Variants in ARHGAP15 observed in about 807,000 individuals in gnomAD.
ARHGAP15 encodes Rho GTPase activating protein 15, also known as rho GTPase-activating protein 15.
In ARHGAP15, 51 loss-of-function variants were observed where a neutral mutation model predicts 63.7. The observed-to-expected ratio is 0.80, with a 90% CI of 0.64 to 1.01. ARHGAP15 has a LOEUF of 1.01. Ranked by LOEUF, ARHGAP15 falls within the 50% of genes least tolerant of loss-of-function variation. The probability of loss-of-function intolerance (pLI) is 0.00; values close to 1 mark genes in which losing one functional copy is unlikely to be tolerated. For synonymous variants in ARHGAP15, 191 were observed against 193.8 expected (o/e 0.99, Z 0.12); for missense variants, 560 against 564.6 (o/e 0.99, Z 0.08).
At chr2:143,576,510 G>A (rs547026217) in intron 11 of ARHGAP15, among the ~76,000 whole-genome samples, 1 of 152,136 alleles carries the variant, frequency 6.6e-6, no homozygotes, top group South Asian at 2.1e-4. Context: ...TTATGTTTCC[G>A]GTTTAAGATA....
chr2:143,335,481 T>C (rs953481217), intron 6 of ARHGAP15, among the ~76,000 whole-genome samples: 2 of 152,156 alleles, frequency 1.3e-5, no homozygotes, highest in Admixed American at 6.6e-5. Flanking sequence ...TAGTTTTGTT[T>C]GGGATTCTGC....
Position 143,510,018 on chromosome 2 carries a change from T to TAAAAA in ARHGAP15, c.827-9223_827-9219dup, listed in dbSNP as rs35469918. On this transcript the variant is annotated intron_variant, in intron 9 of 13. Coordinates refer to ENST00000295095, the MANE Select transcript of ARHGAP15 (RefSeq NM_018460.4). The stretch of plus-strand genomic sequence containing the variant: ...CTGGCGACAGAGTAAGACTCCCTCT[T>TAAAAA]AAAAAAAAAAAAAAAAAAAAAAAAA... Among the ~76,000 whole-genome samples, 132 of 48,816 alleles carry TAAAAA rather than the reference T, an allele frequency of 2.7e-3. 8 individuals carry two copies. Among genetic ancestry groups the TAAAAA allele is most frequent in the South Asian group, 4.4e-3 (3 of 688 alleles). 32.0% of individuals were successfully genotyped at this position (48,816 alleles called of 152,430 possible).
At chr2:143,299,457 A>C (rs1284931017) in intron 6 of ARHGAP15, among the ~76,000 whole-genome samples, 1 of 151,986 alleles carries the variant, frequency 6.6e-6, no homozygotes, top group Non-Finnish European at 1.5e-5. Context: ...ATGACATCTC[A>C]TTATAAACAT....
At chr2:143,134,825 G>T (rs1324453997) in intron 1 of ARHGAP15, among the ~76,000 whole-genome samples, 1 of 151,824 alleles carries the variant, frequency 6.6e-6, no homozygotes, top group Admixed American at 6.6e-5. Flanking sequence ...TTTTAGTAGA[G>T]TCGGGGTTTC....
At chr2:143,314,571 A>T (rs1381779678) in intron 6 of ARHGAP15, 2 of 152,206 alleles carry the variant, frequency 1.3e-5, no homozygotes, top group Non-Finnish European at 2.9e-5. Flanking sequence ...AGTTAATAAG[A>T]TGCTCAAAGA....
intron 9 of ARHGAP15, among the ~76,000 whole-genome samples, chr2:143,502,293 C>T (rs1559013487): frequency 6.6e-6 from 1 of 151,906 alleles, no homozygotes; most frequent in African/African-American, 2.4e-5. Flanking sequence ...CCTATAATCC[C>T]AGCTACTCGG....
At chr2:143,444,134 T>C (rs2105113618) in intron 8 of ARHGAP15, among the ~76,000 whole-genome samples, 1 of 152,298 alleles carries the variant, frequency 6.6e-6, no homozygotes, top group South Asian at 2.1e-4. Context: ...AATAACACCA[T>C]GAGCATATTT....
intron 13 of ARHGAP15, among the ~76,000 whole-genome samples, chr2:143,733,181 A>C (rs1685613439): frequency 6.6e-6 from 1 of 152,124 alleles, no homozygotes; most frequent in African/African-American, 2.4e-5. Flanking sequence ...CAGTTGGGAG[A>C]AGAGAAAGAG....
At chr2:143,763,783 T>C (rs1686856062) in intron 13 of ARHGAP15, among the ~76,000 whole-genome samples, 1 of 148,534 alleles carries the variant, frequency 6.7e-6, no homozygotes, top group Non-Finnish European at 1.5e-5. Context: ...TATATACATA[T>C]AAATTTTATG....
chr2:143,489,242 G>A (rs577650508), intron 9 of ARHGAP15, among the ~76,000 whole-genome samples: 1 of 152,330 alleles, frequency 6.6e-6, no homozygotes, highest in East Asian at 1.9e-4. Flanking sequence ...GAAAGCATTA[G>A]GAAAGCTGGA....
intron 8 of ARHGAP15, among the ~76,000 whole-genome samples, chr2:143,450,441 A>G (rs188154706): frequency 6.3e-4 from 96 of 152,014 alleles, no homozygotes; most frequent in Admixed American, 1.2e-3. Flanking sequence ...CTTAACTATT[A>G]GTTGAAGAGC....
intron 6 of ARHGAP15, among the ~76,000 whole-genome samples, chr2:143,314,773 G>T (rs1026910349): frequency 7.1e-6 from 1 of 141,624 alleles, no homozygotes; most frequent in Non-Finnish European, 1.5e-5. Flanking sequence ...CCTTGCAAAA[G>T]TGTGTTTGGC....
intron 11 of ARHGAP15, among the ~76,000 whole-genome samples, chr2:143,579,149 G>A (rs1430330719): frequency 6.6e-6 from 1 of 152,128 alleles, no homozygotes; most frequent in Non-Finnish European, 1.5e-5. Flanking sequence ...TTATGATTGT[G>A]TATTCAAATA....
At chr2:143,479,713 T>G (rs1691985042) in intron 8 of ARHGAP15, among the ~76,000 whole-genome samples, 1 of 152,116 alleles carries the variant, frequency 6.6e-6, no homozygotes, top group Admixed American at 6.6e-5. Flanking sequence ...AATGTCTAAA[T>G]GATCTGAATC....
At chr2:143,711,426 G>A (rs1046082541) in intron 13 of ARHGAP15, among the ~76,000 whole-genome samples, 1 of 152,170 alleles carries the variant, frequency 6.6e-6, no homozygotes, top group Non-Finnish European at 1.5e-5. Flanking sequence ...TGTTGGCTTG[G>A]CAGACAACAG....
At chr2:143,174,998 C>A (rs1690957619) in intron 2 of ARHGAP15, among the ~76,000 whole-genome samples, 1 of 152,116 alleles carries the variant, frequency 6.6e-6, no homozygotes, top group East Asian at 1.9e-4. Context: ...CTTTTTATAT[C>A]CAAGTTTTAA....
chr2:143,299,272 C>CA (rs1435708202), intron 6 of ARHGAP15, among the ~76,000 whole-genome samples: 7 of 151,954 alleles, frequency 4.6e-5, no homozygotes, highest in Non-Finnish European at 1.0e-4. Flanking sequence ...TCTAGAGAGA[C>CA]AGAGTCAAAC....
intron 6 of ARHGAP15, among the ~76,000 whole-genome samples, chr2:143,424,130 AACAG>A (rs1689046372): frequency 6.6e-6 from 1 of 152,088 alleles, no homozygotes; most frequent in Admixed American, 6.6e-5. Context: ...GAGCTCTGTA[AACAG>A]ACAGACTACT....
At chr2:143,233,504 C>T (rs1445228527) in intron 5 of ARHGAP15, among the ~76,000 whole-genome samples, 1 of 151,896 alleles carries the variant, frequency 6.6e-6, no homozygotes, top group Non-Finnish European at 1.5e-5. Context: ...TAATATTTTT[C>T]TCATTACCTT....
Sources: allele counts gnomAD v4.1 joint callset (sites outside exome capture counted in the v4.1 genomes callset), GRCh38; gene constraint gnomAD v4.1.1; transcripts MANE v1.5; gene names NCBI Gene and HGNC (gene_info 2026-07-23, HGNC 2026-07-21).